Variants in PPEF1 observed in about 807,000 individuals in gnomAD.
The protein encoded by PPEF1 is serine/threonine-protein phosphatase with EF-hands 1.
In PPEF1, 12 loss-of-function variants were observed where a neutral mutation model predicts 53.3. The observed-to-expected ratio is 0.23, with a 90% CI of 0.14 to 0.36. PPEF1 has a LOEUF of 0.36. Ranked by LOEUF, PPEF1 falls within the 10% of genes least tolerant of loss-of-function variation. The pLI is 1.00. For missense variants in PPEF1, 334 were observed against 490.4 expected (o/e 0.68, Z 3.01); for synonymous variants, 165 against 176.7 (o/e 0.93, Z 0.52).
At chrX:18,759,316 T>C (rs2045611897) in intron 5 of PPEF1, among the ~76,000 whole-genome samples, 1 of 111,594 alleles carries the variant, frequency 9.0e-6, no homozygotes, top group South Asian at 3.8e-4. Flanking sequence ...AAATTTAAAA[T>C]TGGGGCCATA....
At chrX:18,680,083 T>C (rs1444235795), upstream of PPEF1, among the ~76,000 whole-genome samples, 2 of 97,903 alleles carry the variant, frequency 2.0e-5, no homozygotes, top group South Asian at 4.9e-4. Context: ...AGCAAGACCC[T>C]GTCCTCAAAA....
intron 5 of PPEF1, among the ~76,000 whole-genome samples, chrX:18,759,788 GA>G (rs975652161): frequency 5.4e-5 from 6 of 111,525 alleles, no homozygotes; most frequent in African/African-American, 2.0e-4. Flanking sequence ...AGTATATTTG[GA>G]GTCTTCTATT....
At chrX:18,730,641 A>G (rs775880931) in intron 2 of PPEF1, among the ~76,000 whole-genome samples, 1 of 111,987 alleles carries the variant, frequency 8.9e-6, no homozygotes, top group East Asian at 2.8e-4. Context: ...TCAAGGGGTT[A>G]AAAAATGGCA....
chrX:18,778,609 C>T (rs1367796758), intron 6 of PPEF1, among the ~76,000 whole-genome samples: 1 of 111,418 alleles, frequency 9.0e-6, no homozygotes, highest in Non-Finnish European at 1.9e-5. Flanking sequence ...CATAGGGCCC[C>T]TTAGAATAAA....
At chrX:18,813,245 G>A (rs1444257284) in intron 12 of PPEF1, among the ~76,000 whole-genome samples, 2 of 109,410 alleles carry the variant, frequency 1.8e-5, no homozygotes, top group Middle Eastern at 4.2e-3. Flanking sequence ...TGGGTGTGAT[G>A]GCACACGCCT....
intron 12 of PPEF1, among the ~76,000 whole-genome samples, chrX:18,812,413 G>A (rs768124432): frequency 2.7e-5 from 3 of 112,335 alleles, no homozygotes; most frequent in African/African-American, 9.7e-5. Flanking sequence ...TTTAAAACTG[G>A]TAAATGTGAG....
intron 1 of PPEF1, among the ~76,000 whole-genome samples, chrX:18,677,311 T>C (rs1928714002): frequency 8.9e-6 from 1 of 112,384 alleles, no homozygotes; most frequent in Non-Finnish European, 1.9e-5. Context: ...AGTGTTGGGA[T>C]TGCAGGCGTA....
chrX:18,740,036 G>T (rs914907688), intron 3 of PPEF1, among the ~76,000 whole-genome samples: 2 of 112,316 alleles, frequency 1.8e-5, no homozygotes, highest in African/African-American at 6.5e-5. Context: ...CATCTGTCAC[G>T]GCTTCCCTTG....
intron 8 of PPEF1, among the ~76,000 whole-genome samples, chrX:18,783,569 T>G (rs932080445): frequency 2.7e-5 from 3 of 110,427 alleles, no homozygotes; most frequent in Non-Finnish European, 5.7e-5. Context: ...AATACAAAAA[T>G]TAGCCAGTCG....
At chrX:18,711,149 T>A (rs1246034626) in intron 1 of PPEF1, among the ~76,000 whole-genome samples, 1 of 108,249 alleles carries the variant, frequency 9.2e-6, no homozygotes, top group East Asian at 2.9e-4. Flanking sequence ...AAGAATGAAA[T>A]CATGTCTTTT....
chrX:18,786,692 A>T (rs1240265540), intron 9 of PPEF1, among the ~76,000 whole-genome samples: 3 of 104,407 alleles, frequency 2.9e-5, no homozygotes, highest in Non-Finnish European at 5.9e-5. Context: ...CTGAGGCAGG[A>T]GGATCACTTG....
At chrX:18,744,344 C>A (rs1343143231) in intron 3 of PPEF1, among the ~76,000 whole-genome samples, 1 of 111,711 alleles carries the variant, frequency 9.0e-6, no homozygotes, top group Non-Finnish European at 1.9e-5. Context: ...TCATACTTGT[C>A]CTTGTAATCC....
chrX:18,812,207 G>A (rs1417169667), intron 12 of PPEF1, among the ~76,000 whole-genome samples: 2 of 111,268 alleles, frequency 1.8e-5, no homozygotes, highest in Admixed American at 1.9e-4. Flanking sequence ...TTTTACATGT[G>A]GATATCCAGT....
chrX:18,701,843 C>G (rs912001719), intron 6 of PPEF1, among the ~76,000 whole-genome samples: 4 of 112,687 alleles, frequency 3.5e-5, no homozygotes, highest in African/African-American at 1.3e-4. Context: ...TATTCTTCCA[C>G]AAACACACTT....
chrX:18,693,932 A>G (rs1929561875), intron 4 of PPEF1, among the ~76,000 whole-genome samples: 1 of 111,228 alleles, frequency 9.0e-6, no homozygotes, highest in African/African-American at 3.3e-5. Context: ...GATATAGAAC[A>G]TGCCCCCCAA....
At chrX:18,724,804 C>T (rs929689711) in intron 1 of PPEF1, among the ~76,000 whole-genome samples, 2 of 110,620 alleles carry the variant, frequency 1.8e-5, no homozygotes, top group South Asian at 3.9e-4. Context: ...AGCAACCCCT[C>T]GGGTAGGGTC....
intron 14 of PPEF1, among the ~76,000 whole-genome samples, chrX:18,824,916 G>A (rs890356776): frequency 9.0e-6 from 1 of 111,057 alleles, no homozygotes. Context: ...TGCCCACCTC[G>A]GCCTCCCAAA....
intron 9 of PPEF1, among the ~76,000 whole-genome samples, chrX:18,786,780 CAAA>C (rs761641178): frequency 1.7e-5 from 1 of 58,833 alleles, no homozygotes. Flanking sequence ...AACACTATCT[CAAA>C]AAAAAAAAAA....
chrX:18,691,094 G>A (rs1308632314), exon 4 of PPEF1: 3 of 111,821 alleles, frequency 2.7e-5, no homozygotes, highest in Admixed American at 9.5e-5. Context: ...TCGAGGGAAA[G>A]GTAAGAGAAG....
Sources: gnomAD v4.1 joint callset for allele counts (sites outside exome capture counted in the v4.1 genomes callset) on GRCh38, gnomAD v4.1.1 for gene constraint, MANE v1.5 for transcripts, NCBI Gene and HGNC (gene_info 2026-07-23, HGNC 2026-07-21) for gene names.